FADS2: variants seen among roughly 807,000 people sequenced by gnomAD.
FADS2 encodes acyl-CoA 6-desaturase.
FADS2 carries 18 observed loss-of-function variants against 61.2 expected under a neutral mutation model. That is an observed-to-expected ratio of 0.29 (90% CI 0.20 to 0.44). FADS2 has a LOEUF of 0.44. Ranked by LOEUF, FADS2 falls within the 20% of genes least tolerant of loss-of-function variation. The pLI, the probability that FADS2 is intolerant of heterozygous loss-of-function variation, is 1.00. For synonymous variants in FADS2, 203 were observed against 223.9 expected (o/e 0.91, Z 0.83); for missense variants, 322 against 572.7 (o/e 0.56, Z 4.47).
chr11:61,847,987 C>T (rs947533878), intron 4 of FADS2, 172 bp from the exon 5 acceptor site: 27 of 671,130 alleles, frequency 4.0e-5, no homozygotes, highest in East Asian at 1.7e-4. Context: ...CTGGGGCTGG[C>T]GCATGCTCTG....
chr11:61,857,277 G>A (rs573362924), intron 6 of FADS2, among the ~76,000 whole-genome samples, 177 bp from the exon 7 acceptor site: 1 of 152,248 alleles, frequency 6.6e-6, no homozygotes, highest in Admixed American at 6.5e-5. Context: ...GAGTCCCAGG[G>A]GTGACACACG....
In FADS2 at chr11:61,848,251, C is replaced by T. The variant is rs778805012; in HGVS notation, c.711C>T (p.His237=). ...AGGATCCCGATGTGAACATGCTGCA[C>T]GTGTTTGTTCTGGGCGAATGGCAGC... The part of the protein sequence containing the change: ...FHKDPDVNML[H]VFVLGEWQPI... The change falls in exon 5 of 12, where the codon CAC becomes CAT. Residue 237 remains histidine (H), a synonymous_variant. Coordinates refer to ENST00000278840, the MANE Select transcript of FADS2 (RefSeq NM_004265.4). The T allele has an allele frequency of 5.0e-6, 8 of 1,614,196 alleles. No homozygotes were observed. Among genetic ancestry groups the T allele is most frequent in the South Asian group, 2.2e-5 (2 of 91,088 alleles).
At chr11:61,823,057 C>T (rs1267186285) in intron 1 of FADS2, among the ~76,000 whole-genome samples, 2 of 152,290 alleles carry the variant, frequency 1.3e-5, no homozygotes, top group East Asian at 1.9e-4. Context: ...AGTATGCATT[C>T]CTTAGTTTTA....
intron 4 of FADS2, among the ~76,000 whole-genome samples, chr11:61,844,879 T>C (rs1192184083): frequency 6.8e-6 from 1 of 146,878 alleles, no homozygotes; most frequent in Non-Finnish European, 1.5e-5. Context: ...GAGCCGAGAC[T>C]GCATCACTGC....
At chr11:61,854,006 G>A (rs1015110904) in intron 5 of FADS2, among the ~76,000 whole-genome samples, 4 of 152,166 alleles carry the variant, frequency 2.6e-5, no homozygotes, top group Admixed American at 6.5e-5. Flanking sequence ...CAGCCCCGCC[G>A]CCAGGGCTGG....
At position 61,865,361 on chromosome 11, in the gene FADS2, C is replaced by T; in HGVS notation, c.1283+84C>T. Reference sequence around the variant, plus strand: ...GGATCACAAGAGGGGCTGGGCCCTCCTGGCACAGTCACCCACCAGGGCACC... The same window carrying T: ...GGATCACAAGAGGGGCTGGGCCCTCTTGGCACAGTCACCCACCAGGGCACC... On this transcript the variant is annotated intron_variant, in intron 11 of 11. Transcript: ENST00000278840. The surrounding 1 kb of genome is among the most constrained non-coding windows in gnomAD (Gnocchi z 4.1). The T allele has an allele frequency of 2.0e-6, 3 of 1,496,374 alleles. No homozygotes were observed. The highest frequency in any genetic ancestry group is 2.7e-6 in the Non-Finnish European group (3 of 1,103,584). 92.7% of individuals were successfully genotyped at this position (1,496,374 alleles called of 1,614,324 possible).
At chr11:61,818,369 T>G (rs1252442204) in intron 1 of FADS2, among the ~76,000 whole-genome samples, 1 of 152,230 alleles carries the variant, frequency 6.6e-6, no homozygotes, top group Non-Finnish European at 1.5e-5. Flanking sequence ...GCTGCACCTC[T>G]GTACAGCCAA....
intron 7 of FADS2, among the ~76,000 whole-genome samples, chr11:61,857,735 CAT>C (rs889582397): frequency 1.3e-5 from 2 of 152,188 alleles, no homozygotes; most frequent in Non-Finnish European, 2.9e-5. Context: ...CTCCCTCAGA[CAT>C]AGGGAGTCCA....
intron 7 of FADS2, chr11:61,862,364 TC>T (rs2067425142): frequency 6.5e-6 from 1 of 153,226 alleles, no homozygotes; most frequent in Non-Finnish European, 1.4e-5. Flanking sequence ...GAAGTCACCC[TC>T]CCAGTACATG....
At chr11:61,844,329 G>C (rs2067238682) in intron 4 of FADS2, among the ~76,000 whole-genome samples, 1 of 152,102 alleles carries the variant, frequency 6.6e-6, no homozygotes, top group South Asian at 2.1e-4. Context: ...CCAGCACTTT[G>C]GGAGGGTGAC....
At chr11:61,853,335 T>TTCCTTCCTTCCTTG (rs1565334638) in intron 5 of FADS2, among the ~76,000 whole-genome samples, 48 of 74,648 alleles carry the variant, frequency 6.4e-4, no homozygotes, top group African/African-American at 2.1e-3. Context: ...TTCCTTCCTT[T>TTCCTTCCTTCCTTG]CCTTCTTTCT....
At chr11:61,821,361 C>T (rs2067034853) in intron 1 of FADS2, 1 of 699,894 alleles carries the variant, frequency 1.4e-6, no homozygotes, top group Non-Finnish European at 2.6e-6. Flanking sequence ...CCTAACTGTC[C>T]CACCATTTTC....
chr11:61,824,513 AAGAAAGAAAG>A (rs2067065429), upstream of FADS2, among the ~76,000 whole-genome samples: 3 of 116,966 alleles, frequency 2.6e-5, no homozygotes, highest in Admixed American at 2.1e-4. Flanking sequence ...GAAAGAAAGA[AAGAAAGAAAG>A]AAAGAAAAAT....
At position 61,828,425 on chromosome 11, in the gene FADS2, C is replaced by T. The variant is rs757234345; in HGVS notation, c.35C>T (p.Ala12Val). ...GKGGNQGEGA[A>V]EREVSVPTFS... ...GGAGGGAACCAGGGCGAGGGGGCCG[C>T]CGAGCGCGAGGTGTCGGTGCCCACC... is the stretch of plus-strand genomic sequence containing the variant. The change falls in exon 1 of 12, where the codon GCC (alanine) becomes GTC (valine). Residue 12 changes from alanine to valine, a missense_variant. Ala to Val is a moderately conservative substitution (Grantham distance 64, BLOSUM62 0). Transcript: ENST00000278840. The surrounding 1 kb of genome is among the most constrained non-coding windows in gnomAD (Gnocchi z 6.4). 9 of 1,582,456 alleles carry T rather than the reference C, an allele frequency of 5.7e-6. No individual in the cohort carries two copies. The highest frequency in any genetic ancestry group is 6.9e-6 in the Non-Finnish European group (8 of 1,165,810).
At chr11:61,836,433 C>G (rs2067175978) in intron 1 of FADS2, among the ~76,000 whole-genome samples, 1 of 149,974 alleles carries the variant, frequency 6.7e-6, no homozygotes, top group South Asian at 2.1e-4. Context: ...ACTCTCTTGC[C>G]CAGGCTGGAG....
At chr11:61,832,996 G>A (rs898140753) in intron 1 of FADS2, among the ~76,000 whole-genome samples, 4 of 152,228 alleles carry the variant, frequency 2.6e-5, no homozygotes, top group African/African-American at 9.6e-5. Flanking sequence ...GCAACTGTGA[G>A]TTGTACCCAG....
intron 4 of FADS2, among the ~76,000 whole-genome samples, chr11:61,845,526 G>A (rs994071852): frequency 9.2e-5 from 14 of 152,008 alleles, no homozygotes; most frequent in Non-Finnish European, 1.9e-4. Context: ...GGTGCGGTGG[G>A]TTATGCCTGT....
chr11:61,853,275 C>T (rs1175321476), intron 5 of FADS2, among the ~76,000 whole-genome samples: 2 of 88,116 alleles, frequency 2.3e-5, no homozygotes, highest in Non-Finnish European at 4.3e-5. Flanking sequence ...CCCTCCCTCC[C>T]TTCCCTCCCT....
In FADS2 at chr11:61,846,424, C is replaced by T. The variant is rs1790277; in HGVS notation, c.619-1735C>T. 3.5e-3 allele frequency among the ~76,000 whole-genome samples: 370 copies of T among 105,930 alleles called. 2 individuals are homozygous for T. The highest frequency in any genetic ancestry group is 0.018 in the Middle Eastern group (4 of 218). 69.5% of individuals were successfully genotyped at this position (105,930 alleles called of 152,430 possible). ...ACTCTCTGACTTTTTTTTTTTTTTTCTCTCTCTCTCTCTCTCTCATGGGTT... is the reference window on the plus strand; with the variant it reads ...ACTCTCTGACTTTTTTTTTTTTTTTTTCTCTCTCTCTCTCTCTCATGGGTT... On this transcript the variant is annotated intron_variant, in intron 4 of 11. Transcript: ENST00000278840.
Sources: allele counts gnomAD v4.1 joint callset (sites outside exome capture counted in the v4.1 genomes callset), GRCh38; gene constraint gnomAD v4.1.1; non-coding constraint Gnocchi (gnomAD v3.1); transcripts MANE v1.5; gene names NCBI Gene and HGNC (gene_info 2026-07-23, HGNC 2026-07-21).